RHPN2: variants seen among roughly 807,000 people sequenced by gnomAD.
The protein encoded by RHPN2 is rhophilin-2.
In RHPN2, 40 loss-of-function variants were observed where a neutral mutation model predicts 79.0. That is an observed-to-expected ratio of 0.51 (90% CI 0.39 to 0.66). The LOEUF (loss-of-function observed/expected upper bound fraction) is 0.66, where lower values mean the gene tolerates loss of function less well. Ranked by LOEUF, RHPN2 falls within the 30% of genes least tolerant of loss-of-function variation. RHPN2 has a pLI of 0.00. For missense variants in RHPN2, 686 were observed against 883.5 expected, an observed-to-expected ratio of 0.78 and a Z score of 2.83; for synonymous variants, 285 against 363.5, an observed-to-expected ratio of 0.78 and a Z score of 2.46.
In RHPN2 at chr19:32,994,047, G is replaced by A; in HGVS notation, c.1427C>T (p.Thr476Ile). 1 of 1,608,834 alleles carries A rather than the reference G, an allele frequency of 6.2e-7. No individual in the cohort carries two copies. Among genetic ancestry groups the A allele is most frequent in the East Asian group, 2.2e-5 (1 of 44,828 alleles). ...CAATATAATGTCAACCTCTTGCTCA[G>A]TTTTAGCTAGAATAGAGGATTAGAA... ...LIDAPSVVAK[T>I]EQEVDIILPQ... Residue 476 changes from threonine (T) to isoleucine (I), a missense_variant, in exon 12 of 15, where the codon ACT becomes ATT. Thr to Ile is a moderately conservative substitution (Grantham distance 89, BLOSUM62 -1). Transcript: ENST00000254260.
chr19:33,004,200 C>T (rs1304360808), intron 7 of RHPN2, among the ~76,000 whole-genome samples: 1 of 152,028 alleles, frequency 6.6e-6, no homozygotes, highest in Non-Finnish European at 1.5e-5. Flanking sequence ...CACCCTACAC[C>T]AAGCTAATTT....
chr19:33,007,879 T>C, intron 7 of RHPN2, 135 bp downstream of exon 7: 5 of 984,598 alleles, frequency 5.1e-6, no homozygotes, highest in South Asian at 1.6e-5. Context: ...AGTTTCTTAA[T>C]GGGAAGTTAC....
At chr19:33,026,453 C>T (rs532518884) in intron 3 of RHPN2, 51 bp downstream of exon 3, 9 of 1,597,816 alleles carry the variant, frequency 5.6e-6, no homozygotes, top group South Asian at 1.1e-5. Flanking sequence ...CCTGGATGTA[C>T]GAAGGATCTC....
intron 4 of RHPN2, among the ~76,000 whole-genome samples, chr19:33,015,017 C>T (rs1456273458): frequency 6.6e-6 from 1 of 151,938 alleles, no homozygotes; most frequent in African/African-American, 2.4e-5. Flanking sequence ...ATGATCACAT[C>T]ACTGCACTCC....
In RHPN2 at chr19:32,999,645, A is replaced by T. The variant is rs903210487; in HGVS notation, c.1166T>A (p.Met389Lys). ...GGCCAAGGGTGTCAGCCCCTCTGGC[A>T]TGTGGTCGTAGAGCTGGGACAGGCA... is the stretch of plus-strand genomic sequence containing the variant. ...EKCLSQLYDHMPEGLTPLATL... is the reference protein window; with the variant it reads ...EKCLSQLYDHKPEGLTPLATL... The change falls in exon 10 of 15, where the codon ATG (methionine) becomes AAG (lysine). Residue 389 changes from methionine to lysine, a missense_variant. Physicochemically the swap from Met to Lys is moderately conservative, Grantham distance 95. Coordinates refer to ENST00000254260, the MANE Select transcript of RHPN2 (RefSeq NM_033103.5). 1 of 1,613,210 alleles carries T rather than the reference A, an allele frequency of 6.2e-7. No individual in the cohort carries two copies. Among genetic ancestry groups the T allele is most frequent in the Admixed American group, 1.7e-5 (1 of 59,980 alleles).
intron 7 of RHPN2, among the ~76,000 whole-genome samples, chr19:33,006,824 C>G (rs189942421): frequency 3.9e-4 from 59 of 152,252 alleles, no homozygotes; most frequent in Non-Finnish European, 7.8e-4. Context: ...CTAAGATTAC[C>G]TGAGGTCAGG....
chr19:32,996,166 G>C lies in RHPN2; in HGVS notation c.1280C>G (p.Ala427Gly), dbSNP rs139766778. 1.9e-6 allele frequency: 3 copies of C among 1,614,034 alleles called. No individual in the cohort carries two copies. The highest frequency in any genetic ancestry group is 1.7e-6 in the Non-Finnish European group (2 of 1,180,016). ...GCTCCGCAGCTTCTTGCAGAGGCTG[G>C]CCTCCCGCACCGACTCCTCGTGATG... ...MAHHEESVREASLCKKLRSIE... is the reference protein window; with the variant it reads ...MAHHEESVREGSLCKKLRSIE... Residue 427 changes from alanine to glycine, a missense_variant, in exon 11 of 15, where the codon GCC becomes GGC. Ala to Gly is a moderately conservative substitution (Grantham distance 60, BLOSUM62 0). Transcript: ENST00000254260.
At chr19:33,010,956 T>G (rs536697603) in intron 6 of RHPN2, among the ~76,000 whole-genome samples, 1 of 152,324 alleles carries the variant, frequency 6.6e-6, no homozygotes, top group Non-Finnish European at 1.5e-5. Context: ...GTGTTGGCAT[T>G]ACAGGTGTGA....
intron 1 of RHPN2, among the ~76,000 whole-genome samples, chr19:33,059,684 A>G (rs1428214967): frequency 6.6e-6 from 1 of 151,956 alleles, no homozygotes; most frequent in East Asian, 1.9e-4. Flanking sequence ...TTTCTCCAGC[A>G]ATATCTTCCC....
intron 2 of RHPN2, among the ~76,000 whole-genome samples, chr19:33,040,251 T>G: frequency 6.9e-6 from 1 of 145,538 alleles, no homozygotes; most frequent in South Asian, 2.2e-4. Context: ...TTTTTTTTTT[T>G]TTTGAGACGG....
chr19:33,048,365 A>C (rs751733209), intron 1 of RHPN2, among the ~76,000 whole-genome samples: 20 of 151,464 alleles, frequency 1.3e-4, no homozygotes, highest in Non-Finnish European at 2.5e-4. Context: ...CCTGGAATGG[A>C]TTTTAAAATT....
intron 1 of RHPN2, among the ~76,000 whole-genome samples, chr19:33,054,583 C>G (rs1972217000): frequency 6.6e-6 from 1 of 152,170 alleles, no homozygotes. Flanking sequence ...GGACTCACAT[C>G]ATTCACCGTG....
At position 33,047,827 on chromosome 19, in the gene RHPN2, G is replaced by T. The variant is rs950931127; in HGVS notation, c.70-3463C>A. On this transcript the variant is annotated intron_variant, in intron 1 of 14. Transcript: ENST00000254260. Reference sequence around the variant, plus strand: ...TTTGAGAGGCTGAGGCCAGAGGATCGCTTGAGGCCAGGAGTTTGAGGCTGC... The same window carrying T: ...TTTGAGAGGCTGAGGCCAGAGGATCTCTTGAGGCCAGGAGTTTGAGGCTGC... 2.0e-5 allele frequency among the ~76,000 whole-genome samples: 3 copies of T among 152,072 alleles called. No homozygotes were observed. In the East Asian group the frequency reaches 5.8e-4, roughly 29 times the overall value.
chr19:32,979,999 G>C lies in RHPN2; in HGVS notation c.2058C>G (p.Tyr686Ter), dbSNP rs1174984534. 1 of 1,613,924 alleles carries C rather than the reference G, an allele frequency of 6.2e-7. No individual in the cohort carries two copies. The highest frequency in any genetic ancestry group is 8.5e-7 in the Non-Finnish European group (1 of 1,179,856). ...FSLLNSDSSW[Y>*] Reference sequence around the variant, plus strand: ...TGAACATGTTTGTTTCCTCACATTAGTACCAAGAACTGTCTGAGTTGAGAA... The same window carrying C: ...TGAACATGTTTGTTTCCTCACATTACTACCAAGAACTGTCTGAGTTGAGAA... The change falls in exon 15 of 15, where the codon TAC (tyrosine) becomes TAG (stop). Residue 686 changes from tyrosine to a stop codon, truncating the protein, a stop_gained. Transcript: ENST00000254260. LOFTEE classifies it high-confidence loss of function.
intron 4 of RHPN2, among the ~76,000 whole-genome samples, chr19:33,019,136 A>T (rs7246302): frequency 0.31 from 46,788 of 151,948 alleles, 8,562 homozygotes; most frequent in African/African-American, 0.5. Context: ...TGAGCCAATT[A>T]AGAGGATTAT....
chr19:33,011,660 G>A lies in RHPN2; in HGVS notation c.593+19C>T, dbSNP rs1971836357. 6.2e-6 allele frequency: 10 copies of A among 1,613,916 alleles called. No homozygotes were observed. Among genetic ancestry groups the A allele is most frequent in the South Asian group, 2.2e-5 (2 of 91,076 alleles). On this transcript the variant is annotated intron_variant, in intron 6 of 14. Coordinates refer to ENST00000254260, the MANE Select transcript of RHPN2 (RefSeq NM_033103.5). ...CTGCCATAACACGTGAAGCGCCAGCGCAGACCTCAAGCACCTACCAGGTGA... is the reference window on the plus strand; with the variant it reads ...CTGCCATAACACGTGAAGCGCCAGCACAGACCTCAAGCACCTACCAGGTGA...
chr19:33,055,374 A>AC (rs1365706593), intron 1 of RHPN2, among the ~76,000 whole-genome samples: 4 of 151,732 alleles, frequency 2.6e-5, no homozygotes, highest in African/African-American at 7.3e-5. Flanking sequence ...AAAAAAAAAA[A>AC]AAGCTGTTTT....
intron 2 of RHPN2, among the ~76,000 whole-genome samples, chr19:33,029,684 GGTAC>G (rs1397783295): frequency 6.6e-6 from 1 of 152,134 alleles, no homozygotes; most frequent in East Asian, 1.9e-4. Context: ...GACATCCATA[GGTAC>G]GTCAGGGTCC....
rs778857739 is a variant in RHPN2 at position 33,027,095 on chromosome 19, C to G, written c.186-463G>C. ...AACATATAGTGAAACTCTGTCTCTA[C>G]TAAAAAATACAAAAACTAGCTGGGT... On this transcript the variant is annotated intron_variant, in intron 2 of 14. Coordinates refer to ENST00000254260, the MANE Select transcript of RHPN2 (RefSeq NM_033103.5). 4 of 263,812 alleles carry G rather than the reference C, an allele frequency of 1.5e-5. No homozygotes were observed. In the East Asian group the frequency reaches 3.5e-4, roughly 23 times the overall value. 16.3% of individuals were successfully genotyped at this position (263,812 alleles called of 1,614,324 possible).
Sources: gnomAD v4.1 joint callset for allele counts (sites outside exome capture counted in the v4.1 genomes callset) on GRCh38, gnomAD v4.1.1 for gene constraint, MANE v1.5 for transcripts, NCBI Gene and HGNC (gene_info 2026-07-23, HGNC 2026-07-21) for gene names.